GRM7: variants seen among roughly 807,000 people sequenced by gnomAD.
GRM7 encodes glutamate metabotropic receptor 7.
A neutral mutation model predicts 84.5 loss-of-function variants in GRM7; 35 were observed. That is an observed-to-expected ratio of 0.41 (90% CI 0.32 to 0.55). The LOEUF is 0.55. Ranked by LOEUF, GRM7 falls within the 20% of genes least tolerant of loss-of-function variation. GRM7 has a pLI of 0.19. For synonymous variants in GRM7, 487 were observed against 455.1 expected (o/e 1.07, Z -0.89); for missense variants, 1,003 against 1,194.6 (o/e 0.84, Z 2.36).
chr3:7,487,451 G>A (rs1406397136), intron 7 of GRM7, among the ~76,000 whole-genome samples: 1 of 152,114 alleles, frequency 6.6e-6, no homozygotes, highest in Non-Finnish European at 1.5e-5. Flanking sequence ...AGACCTAGGA[G>A]AACAAAATGG....
chr3:7,027,546 A>T (rs748164754), intron 1 of GRM7, among the ~76,000 whole-genome samples: 18 of 151,540 alleles, frequency 1.2e-4, no homozygotes, highest in Admixed American at 2.0e-4. Flanking sequence ...ATTTGCCTTT[A>T]CCTTTTTTGT....
chr3:6,986,378 T>C (rs1017628556), intron 1 of GRM7, among the ~76,000 whole-genome samples: 2 of 151,560 alleles, frequency 1.3e-5, no homozygotes, highest in African/African-American at 4.9e-5. Context: ...GGTATATCAA[T>C]TATGCCTCAA....
In GRM7 at chr3:7,166,292, T is replaced by G. The variant is rs190890220; in HGVS notation, c.736+19624T>G. 6.1e-4 allele frequency among the ~76,000 whole-genome samples: 93 copies of G among 152,332 alleles called. 1 individual carries two copies. Among genetic ancestry groups the G allele is most frequent in the African/African-American group, 2.2e-3 (93 of 41,578 alleles). On this transcript the variant is annotated intron_variant, in intron 2 of 9. Coordinates refer to ENST00000357716, the MANE Select transcript of GRM7 (RefSeq NM_000844.4). ...GAATTCTTTTCTCTGATCTTATACC[T>G]GTAACATTGTGATATTTTTCAGAAC...
chr3:7,199,821 A>G (rs1410621282), intron 2 of GRM7, among the ~76,000 whole-genome samples: 2 of 152,152 alleles, frequency 1.3e-5, no homozygotes, highest in Admixed American at 1.3e-4. Flanking sequence ...AACTTTACTG[A>G]TCATATTAGT....
chr3:7,417,887 G>A (rs1338647145), intron 5 of GRM7, among the ~76,000 whole-genome samples: 1 of 151,938 alleles, frequency 6.6e-6, no homozygotes, highest in Admixed American at 6.6e-5. Flanking sequence ...TAAAGATGAG[G>A]GATGAGACCC....
chr3:7,669,654 C>T (rs759789877), intron 8 of GRM7, among the ~76,000 whole-genome samples: 5 of 152,238 alleles, frequency 3.3e-5, no homozygotes, highest in Admixed American at 6.5e-5. Context: ...AGAAGCCTGA[C>T]GACAGGCCCT....
intron 2 of GRM7, among the ~76,000 whole-genome samples, chr3:7,186,408 AT>A (rs1695516072): frequency 6.6e-6 from 1 of 152,214 alleles, no homozygotes; most frequent in Non-Finnish European, 1.5e-5. Flanking sequence ...TAAACATTTT[AT>A]GTTTCCTGTA....
intron 2 of GRM7, among the ~76,000 whole-genome samples, chr3:7,167,692 G>A (rs963264672): frequency 1.7e-4 from 26 of 151,984 alleles, no homozygotes; most frequent in African/African-American, 5.3e-4. Context: ...AATGCAGGCC[G>A]GGCACGGGGG....
chr3:7,278,924 G>T (rs1342479706), intron 2 of GRM7, among the ~76,000 whole-genome samples: 1 of 152,162 alleles, frequency 6.6e-6, no homozygotes, highest in Non-Finnish European at 1.5e-5. Context: ...AAATTTAAAT[G>T]TTATTGAAAT....
chr3:7,620,266 T>G (rs1697295440), intron 8 of GRM7, among the ~76,000 whole-genome samples: 2 of 152,170 alleles, frequency 1.3e-5, no homozygotes, highest in Non-Finnish European at 2.9e-5. Flanking sequence ...TGGGGCACAC[T>G]TATACTAAAA....
At chr3:7,450,246 G>A (rs1199952202) in intron 5 of GRM7, among the ~76,000 whole-genome samples, 12 of 152,062 alleles carry the variant, frequency 7.9e-5, no homozygotes, top group Non-Finnish European at 1.0e-4. Context: ...CCTTTCTCAC[G>A]TACCTGATTG....
At chr3:7,616,477 C>T (rs1185965930) in intron 8 of GRM7, among the ~76,000 whole-genome samples, 2 of 152,106 alleles carry the variant, frequency 1.3e-5, no homozygotes, top group African/African-American at 4.8e-5. Context: ...AAAACTTTCC[C>T]TAGGTCCATC....
At chr3:7,298,505 T>A (rs1419057465) in intron 2 of GRM7, 179 bp from the exon 3 acceptor site, 3 of 571,690 alleles carry the variant, frequency 5.2e-6, no homozygotes, top group Non-Finnish European at 9.3e-6. Context: ...GGAAAGTGCA[T>A]TAGGTATGAA....
In GRM7 at chr3:6,862,932, G is replaced by A. The variant is rs1267705988; in HGVS notation, c.519+1025G>A. 4.5e-6 allele frequency: 2 copies of A among 444,286 alleles called. No individual in the cohort carries two copies. The highest frequency in any genetic ancestry group is 9.0e-6 in the Non-Finnish European group (2 of 222,210). 27.5% of individuals were successfully genotyped at this position (444,286 alleles called of 1,614,324 possible). ...GCGGATCCGGGGCCGCTGAGCGGTG[G>A]GTTCTGCCGCAGTGTTCTCTCGCCT... is the stretch of plus-strand genomic sequence containing the variant. On this transcript the variant is annotated intron_variant, in intron 1 of 9. Transcript: ENST00000357716. The surrounding 1 kb of genome is among the most constrained non-coding windows in gnomAD (Gnocchi z 5.2).
At chr3:7,644,912 C>G (rs1485161) in intron 8 of GRM7, among the ~76,000 whole-genome samples, 20,513 of 152,004 alleles carry the variant, frequency 0.13, 2,387 homozygotes, top group East Asian at 0.38. Context: ...CCTAGTGGAG[C>G]CTCCCTGCCC....
chr3:7,178,238 C>T (rs556058967), intron 2 of GRM7, among the ~76,000 whole-genome samples: 1 of 152,266 alleles, frequency 6.6e-6, no homozygotes, highest in Non-Finnish European at 1.5e-5. Flanking sequence ...AGTAACATCT[C>T]CAATATATTA....
intron 7 of GRM7, among the ~76,000 whole-genome samples, chr3:7,538,141 G>C (rs150200157): frequency 8.5e-4 from 130 of 152,166 alleles, no homozygotes; most frequent in African/African-American, 3.0e-3. Context: ...CGAAGTTTCA[G>C]TTTTGTTGCC....
At position 7,151,214 on chromosome 3, in the gene GRM7, GC is replaced by G. The variant is rs1206449389; in HGVS notation, c.736+4548del. Among the ~76,000 whole-genome samples, 2 of 151,952 alleles carry G rather than the reference GC, an allele frequency of 1.3e-5. No individual in the cohort carries two copies. The highest frequency in any genetic ancestry group is 3.9e-4 in the East Asian group (2 of 5,172). On this transcript the variant is annotated intron_variant, in intron 2 of 9. Coordinates refer to ENST00000357716, the MANE Select transcript of GRM7 (RefSeq NM_000844.4). This position sits in a 1 kb window ranked among gnomAD's most constrained non-coding sequence, Gnocchi z 4.5. Reference sequence around the variant, plus strand: ...ATTAACTGTTATTAACTGTTATTCAGCCTTCAGTTTTTTAGACCTCAAGCTC... The same window carrying G: ...ATTAACTGTTATTAACTGTTATTCAGCTTCAGTTTTTTAGACCTCAAGCTC...
chr3:7,489,668 T>G (rs1043060029), intron 7 of GRM7, among the ~76,000 whole-genome samples: 1 of 152,192 alleles, frequency 6.6e-6, no homozygotes, highest in South Asian at 2.1e-4. Context: ...TTTGTGTGTA[T>G]GCATAATATT....
Sources: allele counts gnomAD v4.1 joint callset (sites outside exome capture counted in the v4.1 genomes callset), GRCh38; gene constraint gnomAD v4.1.1; non-coding constraint Gnocchi (gnomAD v3.1); transcripts MANE v1.5; gene names NCBI Gene and HGNC (gene_info 2026-07-23, HGNC 2026-07-21).